IL6R: variants seen among roughly 807,000 people sequenced by gnomAD.
IL6R encodes the protein interleukin 6 receptor, also known as interleukin-6 receptor subunit alpha.
Under a neutral mutation model 48.3 loss-of-function variants are expected in IL6R, and 38 were observed. That is an observed-to-expected ratio of 0.79 (90% CI 0.61 to 1.03). The LOEUF (loss-of-function observed/expected upper bound fraction) is 1.03, where lower values mean the gene tolerates loss of function less well. Among genes scored for constraint, IL6R ranks in the 50% least tolerant of loss-of-function variants. IL6R has a pLI of 0.00. For synonymous variants in IL6R, 264 were observed against 256.2 expected (o/e 1.03, Z -0.29); for missense variants, 534 against 618.3 (o/e 0.86, Z 1.45).
chr1:154,410,712 C>T (rs1397465531), intron 1 of IL6R, among the ~76,000 whole-genome samples: 1 of 152,228 alleles, frequency 6.6e-6, no homozygotes, highest in Non-Finnish European at 1.5e-5. Flanking sequence ...CTGCTCATCC[C>T]TTGCCAGCTC....
chr1:154,417,881 C>T lies in IL6R; in HGVS notation c.86-11315C>T, dbSNP rs541512926. Among the ~76,000 whole-genome samples, 384 of 151,972 alleles carry T rather than the reference C, an allele frequency of 2.5e-3. 3 individuals carry two copies. Among genetic ancestry groups the T allele is most frequent in the Non-Finnish European group, 2.0e-3 (138 of 67,978 alleles). On this transcript the variant is annotated intron_variant, in intron 1 of 9. Coordinates refer to ENST00000368485, the MANE Select transcript of IL6R (RefSeq NM_000565.4). ...TCCCAAGTAGCTGGGATTACAGGCA[C>T]CCGCCACCATACCCGGCTAATTTTT... is the stretch of plus-strand genomic sequence containing the variant.
intron 1 of IL6R, among the ~76,000 whole-genome samples, chr1:154,428,883 CA>C (rs1246603200): frequency 2.6e-5 from 4 of 152,120 alleles, no homozygotes; most frequent in East Asian, 1.9e-4. Context: ...CCTCCAAGGA[CA>C]GAAGGGCCCT....
At chr1:154,412,202 C>T (rs1184934103) in intron 1 of IL6R, among the ~76,000 whole-genome samples, 1 of 151,696 alleles carries the variant, frequency 6.6e-6, no homozygotes, top group Non-Finnish European at 1.5e-5. Flanking sequence ...CCACCTCGTC[C>T]TCTCAAAGTG....
intron 9 of IL6R, among the ~76,000 whole-genome samples, chr1:154,460,429 GA>G (rs34001333): frequency 0.67 from 101,998 of 151,346 alleles, 35,721 homozygotes; most frequent in East Asian, 0.83. Context: ...CAGTTACTTT[GA>G]AAAAAAAACT....
At chr1:154,454,307 T>C in intron 8 of IL6R, 181 bp from the exon 9 acceptor site, 1 of 601,106 alleles carries the variant, frequency 1.7e-6, no homozygotes, top group East Asian at 2.8e-5. Context: ...CAAAAAACAG[T>C]TAAGCTTGTC....
chr1:154,444,067 T>G (rs1168400934), intron 6 of IL6R, among the ~76,000 whole-genome samples: 1 of 152,018 alleles, frequency 6.6e-6, no homozygotes, highest in Admixed American at 6.6e-5. Flanking sequence ...TTCGTGCCCC[T>G]CTCCACGACC....
At chr1:154,448,041 C>CT (rs57565479) in intron 6 of IL6R, 84 bp from the exon 7 acceptor site, 1,506 of 1,127,804 alleles carry the variant, frequency 1.3e-3, no homozygotes, top group Non-Finnish European at 1.6e-3. Context: ...TTGAGATGAA[C>CT]TTTTTTTTTC....
At chr1:154,422,089 GGTGTGT>G (rs1688700750) in intron 1 of IL6R, among the ~76,000 whole-genome samples, 4 of 152,150 alleles carry the variant, frequency 2.6e-5, no homozygotes, top group African/African-American at 9.7e-5. Flanking sequence ...TGGGATTACA[GGTGTGT>G]GCCACCACGC....
rs1691595321 is a variant in IL6R, at chr1:154,467,308, G to A, written c.*1928G>A. On this transcript the variant is annotated 3_prime_UTR_variant, in exon 10 of 10. Coordinates refer to ENST00000368485, the MANE Select transcript of IL6R (RefSeq NM_000565.4). ...CTTTGAAAATTCAGTGGTGTTAGTG[G>A]TTACCCAGTTAGCTCTCAAGTTATC... 6.6e-6 allele frequency: 1 copy of A among 152,154 alleles called. No individual in the cohort carries two copies. The highest frequency in any genetic ancestry group is 2.4e-5 in the African/African-American group (1 of 41,430). The allele number at this position is 152,154 out of a possible 1,614,324, so 9.4% of individuals were successfully genotyped here. A position where few individuals can be genotyped will look rare whatever the true frequency, so the allele number is the denominator to read the frequency against.
At chr1:154,416,299 T>A (rs1361673208) in intron 1 of IL6R, among the ~76,000 whole-genome samples, 1 of 150,950 alleles carries the variant, frequency 6.6e-6, no homozygotes, top group African/African-American at 2.4e-5. Flanking sequence ...CTGGCTAATT[T>A]AAAAAAAAAT....
chr1:154,427,734 C>T (rs963532285), intron 1 of IL6R, among the ~76,000 whole-genome samples: 1 of 152,202 alleles, frequency 6.6e-6, no homozygotes, highest in African/African-American at 2.4e-5. Context: ...GGACTCCAAC[C>T]TCACCAGCTT....
In IL6R at chr1:154,435,820, T is replaced by C; in HGVS notation, c.808-149T>C. ...TCCGTGGGCCCTGAGGGCAACCCCC[T>C]CTCTAGCAGAGCCTCTGGGGTTGTG... On this transcript the variant is annotated intron_variant, in intron 5 of 9. Coordinates refer to ENST00000368485, the MANE Select transcript of IL6R (RefSeq NM_000565.4). The C allele has an allele frequency of 4.8e-6, 3 of 627,216 alleles. No individual in the cohort carries two copies. In the South Asian group the frequency reaches 7.5e-5, roughly 16 times the overall value. 38.9% of individuals were successfully genotyped at this position (627,216 alleles called of 1,614,324 possible). A position where few individuals can be genotyped will look rare whatever the true frequency, so the allele number is the denominator to read the frequency against.
rs1371890464 is a variant in IL6R, at chr1:154,466,876, A to G, written c.*1496A>G. On this transcript the variant is annotated 3_prime_UTR_variant, in exon 10 of 10. Coordinates refer to ENST00000368485, the MANE Select transcript of IL6R (RefSeq NM_000565.4). ...CAAAAAAAGAAAAAGAAAAAGAAAA[A>G]ATATTTTCCCTATTAGAGAAGAGAT... The G allele has an allele frequency of 6.4e-6, 1 of 155,724 alleles. No individual in the cohort carries two copies. Among genetic ancestry groups the G allele is most frequent in the Non-Finnish European group, 1.4e-5 (1 of 70,024 alleles). 9.6% of individuals were successfully genotyped at this position (155,724 alleles called of 1,614,324 possible).
Position 154,465,512 on chromosome 1 carries a change from G to C in IL6R, c.*132G>C. The C allele has an allele frequency of 9.5e-7, 1 of 1,055,780 alleles. No homozygotes were observed. Among genetic ancestry groups the C allele is most frequent in the Non-Finnish European group, 1.4e-6 (1 of 715,016 alleles). 65.4% of individuals were successfully genotyped at this position (1,055,780 alleles called of 1,614,324 possible). On this transcript the variant is annotated 3_prime_UTR_variant, in exon 10 of 10. Coordinates refer to ENST00000368485, the MANE Select transcript of IL6R (RefSeq NM_000565.4). Reference sequence around the variant, plus strand: ...GCCTTTGGCTTCACGGAAGAGCCTTGCGGAAGGTTCTACGCCAGGGGAAAA... The same window carrying C: ...GCCTTTGGCTTCACGGAAGAGCCTTCCGGAAGGTTCTACGCCAGGGGAAAA...
rs1305876628 is a variant in IL6R, at chr1:154,429,462, G to A, written c.334+18G>A. On this transcript the variant is annotated intron_variant, in intron 2 of 9. Transcript: ENST00000368485. ...GGTGGATGGTGAGTTGTGCCTCAGAGGTCCCGGAGATAGTTCCCGTAAGAA... is the reference window on the plus strand; with the variant it reads ...GGTGGATGGTGAGTTGTGCCTCAGAAGTCCCGGAGATAGTTCCCGTAAGAA... 1 of 1,597,680 alleles carries A rather than the reference G, an allele frequency of 6.3e-7. No homozygotes were observed. Among genetic ancestry groups the A allele is most frequent in the Admixed American group, 1.7e-5 (1 of 59,612 alleles).
In IL6R at chr1:154,405,976, G is replaced by A. The variant is rs779266888; in HGVS notation, c.85+262G>A. On this transcript the variant is annotated intron_variant, in intron 1 of 9. Transcript: ENST00000368485. This position sits in a 1 kb window ranked among gnomAD's most constrained non-coding sequence, Gnocchi z 5.2. Reference sequence around the variant, plus strand: ...GCTGTGCGGGAACCCTGCGGTCTGTGTACAGGACTGTGTCCTTGCAAACCT... The same window carrying A: ...GCTGTGCGGGAACCCTGCGGTCTGTATACAGGACTGTGTCCTTGCAAACCT... Among the ~76,000 whole-genome samples, 3 of 152,180 alleles carry A rather than the reference G, an allele frequency of 2.0e-5. No individual in the cohort carries two copies. Among genetic ancestry groups the A allele is most frequent in the Non-Finnish European group, 4.4e-5 (3 of 68,016 alleles).
chr1:154,448,242 A>G (rs1690384549), intron 7 of IL6R, 71 bp downstream of exon 7: 2 of 1,289,338 alleles, frequency 1.6e-6, no homozygotes, highest in South Asian at 2.4e-5. Context: ...CTGATGCCAG[A>G]CCGAATTTGG....
chr1:154,413,582 C>T (rs1463070400), intron 1 of IL6R, among the ~76,000 whole-genome samples: 2 of 152,206 alleles, frequency 1.3e-5, no homozygotes, highest in East Asian at 3.9e-4. Flanking sequence ...CAGACAATGG[C>T]GTCTGTGTGG....
chr1:154,461,705 ACAGTTTGTGCCTT>A (rs1478337225), intron 9 of IL6R, among the ~76,000 whole-genome samples: 1 of 152,148 alleles, frequency 6.6e-6, no homozygotes, highest in Non-Finnish European at 1.5e-5. Flanking sequence ...TTATACTGAA[ACAGTTTGTGCCTT>A]CAGTGTCTTG....
Sources: allele counts gnomAD v4.1 joint callset (sites outside exome capture counted in the v4.1 genomes callset), GRCh38; gene constraint gnomAD v4.1.1; non-coding constraint Gnocchi (gnomAD v3.1); transcripts MANE v1.5; gene names NCBI Gene and HGNC (gene_info 2026-07-23, HGNC 2026-07-21).